The following IGSF5 variants were observed in gnomAD, a reference collection of about 807,000 sequenced individuals.
IGSF5 encodes immunoglobulin superfamily member 5.
A neutral mutation model predicts 39.4 loss-of-function variants in IGSF5; 41 were observed. The ratio of observed to expected loss-of-function variants is 1.04; its 90% CI spans 0.81 to 1.35. IGSF5 has a LOEUF of 1.35. Among genes scored for constraint, IGSF5 ranks in the 40% most tolerant of loss-of-function variants. The pLI, the probability that IGSF5 is intolerant of heterozygous loss-of-function variation, is 0.00. For missense variants in IGSF5, 487 were observed against 494.6 expected (o/e 0.98, Z 0.15); for synonymous variants, 183 against 175.3 (o/e 1.04, Z -0.34).
intron 5 of IGSF5, among the ~76,000 whole-genome samples, chr21:39,786,008 A>T (rs899644196): frequency 6.6e-6 from 1 of 152,214 alleles, no homozygotes; most frequent in African/African-American, 2.4e-5. Flanking sequence ...AAAACCCTAG[A>T]AGAAAACCTA....
At chr21:39,718,284 C>T in the IGSF5 span, among the ~76,000 whole-genome samples, 2 of 152,152 alleles carry the variant, frequency 1.3e-5, no homozygotes, top group African/African-American at 4.8e-5. Flanking sequence ...AAAACCATGT[C>T]ATCTACAAAA....
chr21:39,775,579 G>A (rs2080135705), intron 4 of IGSF5, among the ~76,000 whole-genome samples: 1 of 152,094 alleles, frequency 6.6e-6, no homozygotes, highest in African/African-American at 2.4e-5. Flanking sequence ...TTCACAGATG[G>A]GAAAAGGACA....
chr21:39,731,505 C>G, the IGSF5 span, among the ~76,000 whole-genome samples: 3 of 152,192 alleles, frequency 2.0e-5, no homozygotes, highest in East Asian at 1.9e-4. Flanking sequence ...TGGGCCTAGT[C>G]TAATCACATG....
the IGSF5 span, among the ~76,000 whole-genome samples, chr21:39,735,626 T>G: frequency 3.3e-5 from 5 of 152,144 alleles, no homozygotes; most frequent in African/African-American, 1.2e-4. Flanking sequence ...CAAATCTAAA[T>G]AAATTCCTGC....
chr21:39,716,250 C>T, the IGSF5 span, among the ~76,000 whole-genome samples: 3 of 152,192 alleles, frequency 2.0e-5, no homozygotes, highest in Admixed American at 6.5e-5. Flanking sequence ...TAAGTCCCCA[C>T]CCCTTACCAC....
chr21:39,757,747 T>A (rs1209161141), intron 2 of IGSF5, among the ~76,000 whole-genome samples: 2 of 152,098 alleles, frequency 1.3e-5, no homozygotes, highest in Admixed American at 1.3e-4. Flanking sequence ...TGGCTAATTT[T>A]TGTATTTTCC....
At chr21:39,717,280 C>T in the IGSF5 span, among the ~76,000 whole-genome samples, 1 of 152,254 alleles carries the variant, frequency 6.6e-6, no homozygotes, top group East Asian at 1.9e-4. Context: ...TAGTTTTTCC[C>T]ATTTTGCAGG....
intron 2 of IGSF5, among the ~76,000 whole-genome samples, chr21:39,748,248 T>G (rs2079985296): frequency 6.7e-6 from 1 of 150,248 alleles, no homozygotes; most frequent in African/African-American, 2.4e-5. Context: ...TCCTTTTTGC[T>G]GTGTCTTCAC....
At position 39,793,493 on chromosome 21, in the gene IGSF5, T is replaced by A. The variant is rs374202146; in HGVS notation, c.1049-41T>A. 810 of 1,534,022 alleles carry A rather than the reference T, an allele frequency of 5.3e-4. 3 individuals carry two copies. Among genetic ancestry groups the A allele is most frequent in the Non-Finnish European group, 6.9e-4 (770 of 1,109,156 alleles). On this transcript the variant is annotated intron_variant, in intron 7 of 8. Transcript: ENST00000380588. ...GAATTGTTAGAGCACACAGCTTGGT[T>A]TTTGCCACTTAATGACTCTAAAATT...
intron 3 of IGSF5, among the ~76,000 whole-genome samples, chr21:39,768,348 C>T (rs1777046513): frequency 6.6e-6 from 1 of 152,154 alleles, no homozygotes; most frequent in Admixed American, 6.5e-5. Context: ...CCTTATATGT[C>T]AACAAAATAG....
chr21:39,788,269 C>A, intron 6 of IGSF5, 81 bp downstream of exon 6: 1 of 1,006,108 alleles, frequency 9.9e-7, no homozygotes, highest in Non-Finnish European at 1.5e-6. Context: ...AATACGTACA[C>A]ACAACTGCGG....
At chr21:39,792,683 T>A (rs2086972439) in intron 7 of IGSF5, among the ~76,000 whole-genome samples, 1 of 151,946 alleles carries the variant, frequency 6.6e-6, no homozygotes, top group South Asian at 2.1e-4. Flanking sequence ...TAACAGGGAG[T>A]TGGGAATGCT....
At chr21:39,782,699 C>T (rs2146288793) in intron 5 of IGSF5, among the ~76,000 whole-genome samples, 1 of 152,304 alleles carries the variant, frequency 6.6e-6, no homozygotes, top group East Asian at 1.9e-4. Flanking sequence ...TATCCATCAT[C>T]TCAAACATTT....
chr21:39,793,737 C>A, intron 8 of IGSF5, 124 bp downstream of exon 8: 1 of 766,028 alleles, frequency 1.3e-6, no homozygotes, highest in South Asian at 1.7e-5. Context: ...TGCCTTTCCT[C>A]CCCTCCATAT....
At chr21:39,788,801 C>T (rs1243269156) in intron 6 of IGSF5, among the ~76,000 whole-genome samples, 2 of 152,110 alleles carry the variant, frequency 1.3e-5, no homozygotes, top group African/African-American at 4.8e-5. Context: ...GTTAACATAG[C>T]CATATGTGCA....
At chr21:39,735,370 T>C in the IGSF5 span, among the ~76,000 whole-genome samples, 329 of 152,316 alleles carry the variant, frequency 2.2e-3, no homozygotes, top group Non-Finnish European at 3.8e-3. Context: ...CGCTTAACTA[T>C]GGGTGCTACT....
At chr21:39,766,729 A>G (rs1017939763) in intron 3 of IGSF5, among the ~76,000 whole-genome samples, 2 of 152,332 alleles carry the variant, frequency 1.3e-5, no homozygotes, top group East Asian at 1.9e-4. Context: ...CCAAAATTTA[A>G]TCACTTTGCA....
upstream of IGSF5, among the ~76,000 whole-genome samples, chr21:39,742,355 G>A (rs147085599): frequency 0.018 from 2,797 of 152,276 alleles, 88 homozygotes; most frequent in African/African-American, 0.063. Flanking sequence ...GGACCCCTCG[G>A]ATAGTGACAG....
chr21:39,786,482 A>G (rs907175895), intron 5 of IGSF5, among the ~76,000 whole-genome samples: 17 of 147,028 alleles, frequency 1.2e-4, no homozygotes, highest in Non-Finnish European at 2.2e-4. Flanking sequence ...GGATGTGGAG[A>G]AATAGGAACA....
Sources: gnomAD v4.1 joint callset for allele counts (sites outside exome capture counted in the v4.1 genomes callset) on GRCh38, gnomAD v4.1.1 for gene constraint, MANE v1.5 for transcripts, NCBI Gene and HGNC (gene_info 2026-07-23, HGNC 2026-07-21) for gene names.